Variants in ARHGAP9 observed in about 807,000 individuals in gnomAD.
ARHGAP9 encodes the protein rho GTPase-activating protein 9.
In ARHGAP9, 76 loss-of-function variants were observed where a neutral mutation model predicts 87.3. That is an observed-to-expected ratio of 0.87 (90% CI 0.72 to 1.05). ARHGAP9 has a LOEUF of 1.05. Ranked by LOEUF, ARHGAP9 falls within the 50% of genes least tolerant of loss-of-function variation. ARHGAP9 has a pLI of 0.00. For missense variants in ARHGAP9, 941 were observed against 960.5 expected (o/e 0.98, Z 0.27); for synonymous variants, 382 against 394.9 (o/e 0.97, Z 0.39).
At chr12:57,479,929 G>A, upstream of ARHGAP9, 1 of 1,438,258 alleles carries the variant, frequency 7.0e-7, no homozygotes. Flanking sequence ...TCCGTTACCA[G>A]TCACCTCAGA....
intron 14 of ARHGAP9, 27 bp downstream of exon 14, chr12:57,474,599 C>T: frequency 1.2e-6 from 2 of 1,614,084 alleles, no homozygotes; most frequent in East Asian, 2.2e-5. Context: ...ATTCTTAGTA[C>T]AACCACTGGC....
rs75501636 is a variant in ARHGAP9 at position 57,478,905 on chromosome 12, G to A, written c.317-148C>T. ...TGAGACCTAGAAGCCTTAGGACTAG[G>A]AGGACAGGCAGTGGGATGAGGATGC... is the stretch of plus-strand genomic sequence containing the variant. On this transcript the variant is annotated intron_variant, in intron 2 of 17. Transcript: ENST00000393791. The A allele has an allele frequency of 6.6e-4, 725 of 1,090,450 alleles. 8 individuals are homozygous for A. The East Asian group carries it at 0.017, about 25-fold the overall frequency. The allele number at this position is 1,090,450 out of a possible 1,614,324, so 67.5% of individuals were successfully genotyped here. A position where few individuals can be genotyped will look rare whatever the true frequency, so the allele number is the denominator to read the frequency against.
chr12:57,479,110 G>T lies in ARHGAP9; in HGVS notation c.297C>A (p.Gly99=), dbSNP rs1874675324. 10 of 1,614,024 alleles carry T rather than the reference G, an allele frequency of 6.2e-6. No homozygotes were observed. Among genetic ancestry groups the T allele is most frequent in the Non-Finnish European group, 8.5e-6 (10 of 1,180,018 alleles). ...PSQSPTTVIP[G]QLLWTPGPKL... ...ACTCACCAGGAGTCCAGAGCAATTG[G>T]CCGGGGATGACGGTAGTTGGACTCT... Residue 99 remains glycine, a synonymous_variant, in exon 2 of 18, where the codon GGC becomes GGA. Coordinates refer to ENST00000393791, the MANE Select transcript of ARHGAP9 (RefSeq NM_032496.4).
In ARHGAP9 at chr12:57,472,354, C is replaced by G; in HGVS notation, c.*163G>C. 1.2e-6 allele frequency: 1 copy of G among 818,004 alleles called. No homozygotes were observed. The highest frequency in any genetic ancestry group is 1.8e-6 in the Non-Finnish European group (1 of 547,016). The allele number at this position is 818,004 out of a possible 1,614,324, so 50.7% of individuals were successfully genotyped here. Reference sequence around the variant, plus strand: ...AAGCAGGGGTTAATCCACTCACTTTCCTCTTTAGAGAAGCTCCCTCACCCA... The same window carrying G: ...AAGCAGGGGTTAATCCACTCACTTTGCTCTTTAGAGAAGCTCCCTCACCCA... On this transcript the variant is annotated 3_prime_UTR_variant, in exon 18 of 18. Transcript: ENST00000393791.
rs1286156268 is a variant in ARHGAP9, at chr12:57,476,597, T to G, written c.1018A>C (p.Lys340Gln). Residue 340 changes from lysine to glutamine, a missense_variant, in exon 7 of 18, where the codon AAG becomes CAG. Lys to Gln is a moderately conservative substitution (Grantham distance 53, BLOSUM62 1). Coordinates refer to ENST00000393791, the MANE Select transcript of ARHGAP9 (RefSeq NM_032496.4). Reference protein sequence around the residue: ...NMTKIAQGGRKLRKNWGPSWV... With the variant: ...NMTKIAQGGRQLRKNWGPSWV... The stretch of plus-strand genomic sequence containing the variant: ...TGTATTCTGGGTTCTCACCTGAGCT[T>G]GCGCCCCCCTTGGGCAATCTTGGTC... 6.2e-7 allele frequency: 1 copy of G among 1,614,154 alleles called. No individual in the cohort carries two copies. Among genetic ancestry groups the G allele is most frequent in the Non-Finnish European group, 8.5e-7 (1 of 1,180,026 alleles).
At chr12:57,479,684 G>C in intron 1 of ARHGAP9, 46 bp downstream of exon 1, 2 of 1,550,862 alleles carry the variant, frequency 1.3e-6, no homozygotes, top group East Asian at 2.4e-5. Context: ...CAGCAAGGCA[G>C]GAAATTAGAG....
rs147304445 is a variant in ARHGAP9, at chr12:57,475,376, C to T, written c.1467G>A (p.Glu489=). The change falls in exon 12 of 18, where the codon GAG becomes GAA. Residue 489 remains glutamate, a synonymous_variant. Transcript: ENST00000393791. The part of the protein sequence containing the change: ...RSSIRGPEGT[E]QNRVRNKLKR... Reference sequence around the variant, plus strand: ...TTAGTTTGTTGCGCACGCGGTTCTGCTCGGTGCCTTCGGGCCCCCGAACTG... The same window carrying T: ...TTAGTTTGTTGCGCACGCGGTTCTGTTCGGTGCCTTCGGGCCCCCGAACTG... 21 of 1,599,008 alleles carry T rather than the reference C, an allele frequency of 1.3e-5. No homozygotes were observed. The highest frequency in any genetic ancestry group is 5.2e-5 in the Admixed American group (3 of 58,016).
intron 1 of ARHGAP9, chr12:57,488,564 A>C: frequency 6.5e-7 from 1 of 1,549,038 alleles, no homozygotes. Flanking sequence ...GTTCTTAGGA[A>C]ATCCCTCTCT....
At chr12:57,484,938 G>A (rs1489800954) in intron 1 of ARHGAP9, among the ~76,000 whole-genome samples, 2 of 150,848 alleles carry the variant, frequency 1.3e-5, no homozygotes, top group East Asian at 3.9e-4. Flanking sequence ...GAGCCACTGC[G>A]CCCAGCGTAT....
chr12:57,488,068 A>C, intron 1 of ARHGAP9: 1 of 1,607,530 alleles, frequency 6.2e-7, no homozygotes, highest in South Asian at 1.1e-5. Context: ...TTCCGGTTGC[A>C]TCAGCGAGGG....
Position 57,477,908 on chromosome 12 carries a change from C to T in ARHGAP9, c.535-228G>A, listed in dbSNP as rs1047450169. ...TCTCCTCACTTCCTGTTGCCAACTT[C>T]CCGCCTCCCCCACCCCACCCCCACC... is the stretch of plus-strand genomic sequence containing the variant. On this transcript the variant is annotated intron_variant, in intron 3 of 17. Coordinates refer to ENST00000393791, the MANE Select transcript of ARHGAP9 (RefSeq NM_032496.4). 3.8e-6 allele frequency: 5 copies of T among 1,317,106 alleles called. No individual in the cohort carries two copies. The African/African-American group carries it at 7.5e-5, about 20-fold the overall frequency. The allele number at this position is 1,317,106 out of a possible 1,614,324, so 81.6% of individuals were successfully genotyped here.
intron 15 of ARHGAP9, 104 bp from the exon 16 acceptor site, chr12:57,474,280 T>C (rs1320261608): frequency 6.3e-7 from 1 of 1,578,640 alleles, no homozygotes; most frequent in Non-Finnish European, 8.7e-7. Context: ...ACTATAGGAA[T>C]GCCTAGAGGG....
At position 57,477,587 on chromosome 12, in the gene ARHGAP9, A is replaced by AT. The variant is rs1333693786; in HGVS notation, c.627dup (p.Cys210MetfsTer59). 1 of 1,613,058 alleles carries AT rather than the reference A, an allele frequency of 6.2e-7. No homozygotes were observed. Among genetic ancestry groups the AT allele is most frequent in the Non-Finnish European group, 8.5e-7 (1 of 1,179,482 alleles). ...GCATCCAGCCTCTGCAGCAGGGGGC[A>AT]TGCAGGGCCTGGGGGTGGGGACCGA... On this transcript the variant is annotated frameshift_variant, in exon 4 of 18. Transcript: ENST00000393791. LOFTEE classifies it high-confidence loss of function.
rs1207924145 is a variant in ARHGAP9, at chr12:57,476,614, A to G, written c.1001T>C (p.Ile334Thr). The change falls in exon 7 of 18, where the codon ATT becomes ACT. Residue 334 changes from isoleucine (I) to threonine (T), a missense_variant. Coordinates refer to ENST00000393791, the MANE Select transcript of ARHGAP9 (RefSeq NM_032496.4). Reference sequence around the variant, plus strand: ...CCTGAGCTTGCGCCCCCCTTGGGCAATCTTGGTCATGTTGAGCAGACCCGA... The same window carrying G: ...CCTGAGCTTGCGCCCCCCTTGGGCAGTCTTGGTCATGTTGAGCAGACCCGA... ...EKSGLLNMTK[I>T]AQGGRKLRKN... The G allele has an allele frequency of 6.2e-7, 1 of 1,614,106 alleles. No individual in the cohort carries two copies. The highest frequency in any genetic ancestry group is 1.3e-5 in the African/African-American group (1 of 75,008).
Position 57,475,819 on chromosome 12 carries a change from T to G in ARHGAP9, c.1311+14A>C. 2 of 1,612,992 alleles carry G rather than the reference T, an allele frequency of 1.2e-6. No homozygotes were observed. Among genetic ancestry groups the G allele is most frequent in the South Asian group, 1.1e-5 (1 of 90,972 alleles). ...GCCGGTCGGAGCCTCCCTCCGGGCC[T>G]CCACCCATCTAACCAGCCGCTCGAT... On this transcript the variant is annotated intron_variant, in intron 10 of 17. Transcript: ENST00000393791.
At chr12:57,472,823 G>A in intron 17 of ARHGAP9, 135 bp from the exon 18 acceptor site, 1 of 875,154 alleles carries the variant, frequency 1.1e-6, no homozygotes, top group South Asian at 1.7e-5. Context: ...AAAAACCAAG[G>A]AGATACAAGG....
intron 1 of ARHGAP9, 78 bp from the exon 2 acceptor site, chr12:57,479,502 A>G: frequency 6.6e-7 from 1 of 1,521,202 alleles, no homozygotes. Context: ...TGGTTCTAGG[A>G]GCAGTGTTGC....
upstream of ARHGAP9, chr12:57,480,755 C>T (rs1387044666): frequency 6.5e-7 from 1 of 1,548,866 alleles, no homozygotes; most frequent in East Asian, 2.4e-5. Context: ...ACTTTAAAAC[C>T]CACACTTCTG....
intron 1 of ARHGAP9, among the ~76,000 whole-genome samples, chr12:57,485,836 AAG>A (rs1165599832): frequency 6.6e-6 from 1 of 152,192 alleles, no homozygotes; most frequent in Non-Finnish European, 1.5e-5. Context: ...AGGGTTACTT[AAG>A]AGTTTTCAGT....
Sources: allele counts gnomAD v4.1 joint callset (sites outside exome capture counted in the v4.1 genomes callset), GRCh38; gene constraint gnomAD v4.1.1; transcripts MANE v1.5; gene names NCBI Gene and HGNC (gene_info 2026-07-23, HGNC 2026-07-21).